GRIK2: variants seen among roughly 807,000 people sequenced by gnomAD.
GRIK2 encodes the protein glutamate receptor ionotropic, kainate 2.
A neutral mutation model predicts 100.3 loss-of-function variants in GRIK2; 32 were observed. That is an observed-to-expected ratio of 0.32 (90% CI 0.24 to 0.43). The LOEUF (loss-of-function observed/expected upper bound fraction) is 0.43, where lower values mean the gene tolerates loss of function less well. Among genes scored for constraint, GRIK2 ranks in the 20% least tolerant of loss-of-function variants. The pLI is 1.00. For synonymous variants in GRIK2, 417 were observed against 389.4 expected, an observed-to-expected ratio of 1.07 and a Z score of -0.83; for missense variants, 843 against 1,114.9, an observed-to-expected ratio of 0.76 and a Z score of 3.47.
chr6:101,952,404 G>A (rs1791655145), intron 14 of GRIK2, among the ~76,000 whole-genome samples: 1 of 152,094 alleles, frequency 6.6e-6, no homozygotes, highest in Non-Finnish European at 1.5e-5. Flanking sequence ...TACAGGTTTT[G>A]TGTGAACATT....
intron 10 of GRIK2, among the ~76,000 whole-genome samples, chr6:101,820,258 TTA>T (rs139558852): frequency 0.074 from 11,221 of 152,218 alleles, 440 homozygotes; most frequent in African/African-American, 0.099. Flanking sequence ...TAGAATTAGA[TTA>T]TGTCTTCTGT....
chr6:101,673,779 T>C (rs182538862), intron 4 of GRIK2, among the ~76,000 whole-genome samples: 1 of 152,178 alleles, frequency 6.6e-6, no homozygotes, highest in Non-Finnish European at 1.5e-5. Flanking sequence ...TCATTTGTAG[T>C]TACTTGCTTA....
At chr6:101,495,805 AC>A (rs1773412316) in intron 2 of GRIK2, among the ~76,000 whole-genome samples, 1 of 150,224 alleles carries the variant, frequency 6.7e-6, no homozygotes, top group Non-Finnish European at 1.5e-5. Context: ...ATACAAACAC[AC>A]CTTTTTTTTT....
intron 2 of GRIK2, among the ~76,000 whole-genome samples, chr6:101,489,776 A>T (rs1773010079): frequency 6.8e-6 from 1 of 146,410 alleles, no homozygotes; most frequent in East Asian, 1.9e-4. Context: ...AGCATTGTGG[A>T]TTATGAAATC....
intron 2 of GRIK2, among the ~76,000 whole-genome samples, chr6:101,573,413 A>G (rs1562235275): frequency 6.6e-6 from 1 of 152,160 alleles, no homozygotes; most frequent in Admixed American, 6.6e-5. Context: ...CTGAAGAAAC[A>G]AAGCTAATTG....
chr6:101,987,576 A>G (rs964803461), intron 14 of GRIK2, among the ~76,000 whole-genome samples: 7 of 151,146 alleles, frequency 4.6e-5, no homozygotes, highest in Non-Finnish European at 1.5e-5. Context: ...CCTATTAATG[A>G]CATCCTATTA....
intron 2 of GRIK2, among the ~76,000 whole-genome samples, chr6:101,583,527 A>G (rs1778203526): frequency 6.6e-6 from 1 of 152,058 alleles, no homozygotes; most frequent in Non-Finnish European, 1.5e-5. Context: ...GCCTTGTACA[A>G]TTTGCCCTCT....
chr6:102,047,576 C>A (rs899593297), intron 15 of GRIK2, among the ~76,000 whole-genome samples: 2 of 151,700 alleles, frequency 1.3e-5, no homozygotes, highest in Non-Finnish European at 2.9e-5. Flanking sequence ...GGTGAAACCC[C>A]ATCTCTACTA....
chr6:101,399,028 C>T lies in GRIK2; in HGVS notation c.-250C>T, dbSNP rs945008053. On this transcript the variant is annotated 5_prime_UTR_variant, in exon 2 of 17. Transcript: ENST00000369134. ...TGTGGGTGTGCGTGCTGGATTTCTCCCGGATGCTCTCCGACTAACATGGAT... is the reference window on the plus strand; with the variant it reads ...TGTGGGTGTGCGTGCTGGATTTCTCTCGGATGCTCTCCGACTAACATGGAT... 2 of 446,914 alleles carry T rather than the reference C, an allele frequency of 4.5e-6. No homozygotes were observed. Among genetic ancestry groups the T allele is most frequent in the Non-Finnish European group, 7.9e-6 (2 of 253,216 alleles). The allele number at this position is 446,914 out of a possible 1,614,324, so 27.7% of individuals were successfully genotyped here. A position where few individuals can be genotyped will look rare whatever the true frequency, so the allele number is the denominator to read the frequency against.
At chr6:101,910,230 C>T (rs1335338762) in intron 12 of GRIK2, among the ~76,000 whole-genome samples, 1 of 151,050 alleles carries the variant, frequency 6.6e-6, no homozygotes, top group Non-Finnish European at 1.5e-5. Flanking sequence ...ACAGTTTAGT[C>T]AGTTTTTGCA....
At position 101,732,098 on chromosome 6, in the gene GRIK2, GCACA is replaced by G. The variant is rs201296140; in HGVS notation, c.951+45757_951+45760del. Among the ~76,000 whole-genome samples, 19 of 151,046 alleles carry G rather than the reference GCACA, an allele frequency of 1.3e-4. No individual in the cohort carries two copies. The Middle Eastern group carries it at 0.024, about 193-fold the overall frequency. ...ATTTGTCAGTTCTTTGTGTTTATAT[GCACA>G]CACACACACACCTTTTTTTTCCTAG... On this transcript the variant is annotated intron_variant, in intron 7 of 16. Coordinates refer to ENST00000369134, the MANE Select transcript of GRIK2 (RefSeq NM_021956.5).
At position 101,984,215 on chromosome 6, in the gene GRIK2, C is replaced by A. The variant is rs537550625; in HGVS notation, c.2086-51126C>A. ...TGCTTATTTAATGGGAAAAGACCAG[C>A]ACTTTGAACCTAGAGCTTTGGCCCA... On this transcript the variant is annotated intron_variant, in intron 14 of 16. Transcript: ENST00000369134. Among the ~76,000 whole-genome samples the A allele has an allele frequency of 5.3e-5, 8 of 151,750 alleles. No homozygotes were observed. The South Asian group carries it at 1.7e-3, about 32-fold the overall frequency.
chr6:101,569,173 A>G (rs902810790), intron 2 of GRIK2, among the ~76,000 whole-genome samples: 1 of 152,088 alleles, frequency 6.6e-6, no homozygotes, highest in Non-Finnish European at 1.5e-5. Context: ...TATAGGTTAC[A>G]TGAACTTTAG....
At chr6:101,588,436 C>T (rs1295332288) in intron 2 of GRIK2, among the ~76,000 whole-genome samples, 1 of 147,330 alleles carries the variant, frequency 6.8e-6, no homozygotes, top group Admixed American at 6.9e-5. Context: ...TTATCAAGAG[C>T]CATAAATATC....
At chr6:101,398,555 TAC>T (rs1371912174) in intron 1 of GRIK2, among the ~76,000 whole-genome samples, 1 of 152,266 alleles carries the variant, frequency 6.6e-6, no homozygotes, top group Non-Finnish European at 1.5e-5. Flanking sequence ...CTTTCTTTTT[TAC>T]AGTTCCCAGA....
chr6:101,913,190 T>C (rs959861469), intron 12 of GRIK2, among the ~76,000 whole-genome samples: 37 of 151,698 alleles, frequency 2.4e-4, no homozygotes, highest in African/African-American at 8.7e-4. Context: ...ACTACATTGC[T>C]CTCGCTTAAT....
At chr6:101,439,235 T>C (rs1462301616) in intron 2 of GRIK2, among the ~76,000 whole-genome samples, 3 of 152,134 alleles carry the variant, frequency 2.0e-5, no homozygotes, top group Non-Finnish European at 2.9e-5. Context: ...GTTTGGGCAC[T>C]AATCCCTTAC....
chr6:102,013,527 TGCTTCCA>T (rs1442568490), intron 14 of GRIK2, among the ~76,000 whole-genome samples: 3 of 152,130 alleles, frequency 2.0e-5, no homozygotes, highest in African/African-American at 7.2e-5. Context: ...TCAAGGGGAA[TGCTTCCA>T]GCTTTTTCCT....
At chr6:101,708,863 G>A (rs1013880303) in intron 7 of GRIK2, among the ~76,000 whole-genome samples, 1 of 151,548 alleles carries the variant, frequency 6.6e-6, no homozygotes, top group African/African-American at 2.4e-5. Context: ...TTACCCCCAG[G>A]TACCTATGAA....
Sources: gnomAD v4.1 joint callset for allele counts (sites outside exome capture counted in the v4.1 genomes callset) on GRCh38, gnomAD v4.1.1 for gene constraint, MANE v1.5 for transcripts, NCBI Gene and HGNC (gene_info 2026-07-23, HGNC 2026-07-21) for gene names.